ST8SIA5: variants seen among roughly 807,000 people sequenced by gnomAD.
ST8SIA5 encodes the protein alpha-2,8-sialyltransferase 8E.
A neutral mutation model predicts 40.2 loss-of-function variants in ST8SIA5; 24 were observed. The observed-to-expected ratio is 0.60, with a 90% CI of 0.43 to 0.84. ST8SIA5 has a LOEUF of 0.84. Among genes scored for constraint, ST8SIA5 ranks in the 40% least tolerant of loss-of-function variants. ST8SIA5 has a pLI of 0.00. For missense variants in ST8SIA5, 465 were observed against 498.5 expected (o/e 0.93, Z 0.64); for synonymous variants, 198 against 201.8 (o/e 0.98, Z 0.16).
chr18:46,701,090 C>T (rs1323070167), intron 2 of ST8SIA5, among the ~76,000 whole-genome samples: 2 of 149,688 alleles, frequency 1.3e-5, no homozygotes, highest in African/African-American at 4.9e-5. Flanking sequence ...AGGTCCTAAC[C>T]CCCAGGACCA....
chr18:46,728,587 C>T (rs2039955249), intron 1 of ST8SIA5, among the ~76,000 whole-genome samples: 1 of 152,220 alleles, frequency 6.6e-6, no homozygotes, highest in Non-Finnish European at 1.5e-5. Flanking sequence ...ACCCCATGTG[C>T]TGACTGCTCA....
chr18:46,704,697 A>G (rs1210767081), intron 1 of ST8SIA5, 33 bp from the exon 2 acceptor site: 1 of 1,588,294 alleles, frequency 6.3e-7, no homozygotes, highest in Non-Finnish European at 8.6e-7. Flanking sequence ...TAAACAGAGA[A>G]GCAGGTCAGG....
chr18:46,722,244 C>T (rs911765712), intron 1 of ST8SIA5, among the ~76,000 whole-genome samples: 2 of 152,146 alleles, frequency 1.3e-5, no homozygotes, highest in African/African-American at 4.8e-5. Context: ...GTCAGACAAC[C>T]CTCTCCCCAA....
chr18:46,750,831 A>AC (rs1056785153), intron 1 of ST8SIA5, among the ~76,000 whole-genome samples: 10 of 151,082 alleles, frequency 6.6e-5, no homozygotes, highest in African/African-American at 2.2e-4. Context: ...ATCATTTTCC[A>AC]CTCTGCTCTG....
intron 2 of ST8SIA5, among the ~76,000 whole-genome samples, chr18:46,692,999 T>C (rs1671620426): frequency 6.6e-6 from 1 of 150,760 alleles, no homozygotes. Context: ...GCCTTATCCA[T>C]TCCCTCCCCT....
In ST8SIA5 at chr18:46,676,909, A is replaced by T. The variant is rs529149513; in HGVS notation, c.*3133T>A. ...ACACTGGCTGCAGCAGAAAAACTAT[A>T]TCCTGAAAGTCAGGAGACTGGTGAG... On this transcript the variant is annotated 3_prime_UTR_variant, in exon 7 of 7. Transcript: ENST00000315087. The T allele has an allele frequency of 6.6e-6, 1 of 152,214 alleles. No individual in the cohort carries two copies. The highest frequency in any genetic ancestry group is 2.1e-4 in the South Asian group (1 of 4,830). 9.4% of individuals were successfully genotyped at this position (152,214 alleles called of 1,614,324 possible).
intron 1 of ST8SIA5, among the ~76,000 whole-genome samples, chr18:46,749,420 T>G (rs948203800): frequency 6.6e-6 from 1 of 152,182 alleles, no homozygotes; most frequent in Non-Finnish European, 1.5e-5. Flanking sequence ...AAAATGAGGA[T>G]GTTCACTCCG....
At chr18:46,730,777 G>C (rs1349903663) in intron 1 of ST8SIA5, among the ~76,000 whole-genome samples, 1 of 152,056 alleles carries the variant, frequency 6.6e-6, no homozygotes, top group African/African-American at 2.4e-5. Flanking sequence ...CTCTAGCCTG[G>C]GTGACAGGGC....
At chr18:46,697,679 C>T (rs2039569950) in intron 2 of ST8SIA5, among the ~76,000 whole-genome samples, 1 of 152,078 alleles carries the variant, frequency 6.6e-6, no homozygotes, top group African/African-American at 2.4e-5. Flanking sequence ...GCACTCCAGC[C>T]TGGTTGACAG....
At chr18:46,734,130 C>G (rs2040011313) in intron 1 of ST8SIA5, among the ~76,000 whole-genome samples, 1 of 152,096 alleles carries the variant, frequency 6.6e-6, no homozygotes, top group Non-Finnish European at 1.5e-5. Flanking sequence ...CTGGTTGCGC[C>G]GCATTCTCAG....
chr18:46,697,365 T>A (rs965872869), intron 2 of ST8SIA5, among the ~76,000 whole-genome samples: 2 of 151,978 alleles, frequency 1.3e-5, no homozygotes, highest in Non-Finnish European at 2.9e-5. Context: ...AACTTAAAAA[T>A]ATTCTACTTA....
chr18:46,741,760 C>T (rs763058356), intron 1 of ST8SIA5, among the ~76,000 whole-genome samples: 1 of 152,164 alleles, frequency 6.6e-6, no homozygotes, highest in Non-Finnish European at 1.5e-5. Flanking sequence ...GGAAAAACTA[C>T]ACACCATTCA....
At chr18:46,737,873 C>T (rs755038418) in intron 1 of ST8SIA5, among the ~76,000 whole-genome samples, 2 of 151,908 alleles carry the variant, frequency 1.3e-5, no homozygotes, top group Admixed American at 6.6e-5. Context: ...CAGGTTCAAG[C>T]GATTCTCCTG....
chr18:46,680,599 A>G, intron 6 of ST8SIA5, 89 bp from the exon 7 acceptor site: 1 of 1,378,540 alleles, frequency 7.3e-7, no homozygotes. Context: ...GGGGCTTTGC[A>G]AAGGACGGAA....
At chr18:46,756,285 C>T (rs2040244725) in intron 1 of ST8SIA5, 93 bp downstream of exon 1, 4 of 1,540,186 alleles carry the variant, frequency 2.6e-6, no homozygotes, top group Admixed American at 1.9e-5. Flanking sequence ...CCACTCACCC[C>T]GGGGCGCTGC....
chr18:46,696,974 C>T (rs535539285), intron 2 of ST8SIA5, among the ~76,000 whole-genome samples: 100 of 152,064 alleles, frequency 6.6e-4, no homozygotes, highest in Admixed American at 2.1e-3. Context: ...GGGGAGGGAG[C>T]ATGGCCCTAA....
chr18:46,717,908 A>G (rs538970386), intron 1 of ST8SIA5, among the ~76,000 whole-genome samples: 99 of 152,280 alleles, frequency 6.5e-4, no homozygotes, highest in Admixed American at 1.8e-3. Context: ...AGGTTCTGGC[A>G]ATTCAAAACG....
rs755571106 is a variant in ST8SIA5, at chr18:46,701,130, C to CTTTT, written c.224+3438_224+3441dup. On this transcript the variant is annotated intron_variant, in intron 2 of 6. Coordinates refer to ENST00000315087, the MANE Select transcript of ST8SIA5 (RefSeq NM_013305.6). ...ATGAAACCGTATTTGGAGATAGGGCCTTTTTTTTTTTTTTTTTTTTTTTTT... is the reference window on the plus strand; with the variant it reads ...ATGAAACCGTATTTGGAGATAGGGCCTTTTTTTTTTTTTTTTTTTTTTTTTTTTT... 2.8e-3 allele frequency among the ~76,000 whole-genome samples: 130 copies of CTTTT among 45,822 alleles called. 20 individuals are homozygous for CTTTT. The highest frequency in any genetic ancestry group is 2.7e-3 in the Non-Finnish European group (72 of 26,412). 30.1% of individuals were successfully genotyped at this position (45,822 alleles called of 152,430 possible).
At position 46,700,267 on chromosome 18, in the gene ST8SIA5, A is replaced by G. The variant is rs144277842; in HGVS notation, c.224+4305T>C. ...CTGATTTCAGCAATTGTGGATCAGAATTGTTCCCAGATGAACCATACACCT... is the reference window on the plus strand; with the variant it reads ...CTGATTTCAGCAATTGTGGATCAGAGTTGTTCCCAGATGAACCATACACCT... On this transcript the variant is annotated intron_variant, in intron 2 of 6. Coordinates refer to ENST00000315087, the MANE Select transcript of ST8SIA5 (RefSeq NM_013305.6). 7.7e-4 allele frequency among the ~76,000 whole-genome samples: 118 copies of G among 152,348 alleles called. No homozygotes were observed. The East Asian group carries it at 0.02, about 26-fold the overall frequency.
Sources: allele counts gnomAD v4.1 joint callset (sites outside exome capture counted in the v4.1 genomes callset), GRCh38; gene constraint gnomAD v4.1.1; transcripts MANE v1.5; gene names NCBI Gene and HGNC (gene_info 2026-07-23, HGNC 2026-07-21).